Variants in EPHA6 observed in about 807,000 individuals in gnomAD.
The protein encoded by EPHA6 is EPH receptor A6, also known as ephrin type-A receptor 6.
EPHA6 carries 50 observed loss-of-function variants against 112.0 expected under a neutral mutation model. That is an observed-to-expected ratio of 0.45 (90% CI 0.36 to 0.56). EPHA6 has a LOEUF of 0.56. Ranked by LOEUF, EPHA6 falls within the 20% of genes least tolerant of loss-of-function variation. The pLI is 0.00. For synonymous variants in EPHA6, 529 were observed against 490.7 expected, an observed-to-expected ratio of 1.08 and a Z score of -1.03; for missense variants, 1,280 against 1,417.4, an observed-to-expected ratio of 0.90 and a Z score of 1.56.
At chr3:97,208,504 G>A (rs1440777304) in intron 3 of EPHA6, among the ~76,000 whole-genome samples, 3 of 152,122 alleles carry the variant, frequency 2.0e-5, no homozygotes, top group African/African-American at 4.8e-5. Context: ...CTAGCACTTT[G>A]GAAGGCCATG....
chr3:96,907,649 T>C, intron 2 of EPHA6, among the ~76,000 whole-genome samples: 1 of 152,054 alleles, frequency 6.6e-6, no homozygotes, highest in South Asian at 2.1e-4. Context: ...GTGTATTTCA[T>C]GTTTTTAAGT....
At chr3:97,116,300 T>C (rs1369982684) in intron 3 of EPHA6, among the ~76,000 whole-genome samples, 1 of 151,716 alleles carries the variant, frequency 6.6e-6, no homozygotes, top group Non-Finnish European at 1.5e-5. Context: ...CATTTTAAAA[T>C]GATGACCACA....
chr3:97,479,512 G>T, intron 9 of EPHA6, 148 bp downstream of exon 9: 1 of 489,178 alleles, frequency 2.0e-6, no homozygotes, highest in Non-Finnish European at 3.5e-6. Context: ...CTGGTTTCCA[G>T]GTTTGTTGGT....
intron 11 of EPHA6, among the ~76,000 whole-genome samples, chr3:97,550,263 T>C (rs1288515443): frequency 3.3e-5 from 5 of 152,204 alleles, no homozygotes; most frequent in Non-Finnish European, 7.3e-5. Context: ...AGACATCCAT[T>C]TTACTGCAGG....
At chr3:97,293,395 A>T (rs2080762936) in intron 5 of EPHA6, among the ~76,000 whole-genome samples, 1 of 151,196 alleles carries the variant, frequency 6.6e-6, no homozygotes, top group Non-Finnish European at 1.5e-5. Context: ...AGCAAAGAGG[A>T]CACTCATGAT....
chr3:97,331,560 G>A (rs965022311), intron 5 of EPHA6, among the ~76,000 whole-genome samples: 3 of 152,044 alleles, frequency 2.0e-5, no homozygotes, highest in Non-Finnish European at 2.9e-5. Flanking sequence ...TGATAAAGGG[G>A]ATATCACCAC....
At chr3:97,431,466 C>T (rs1033977919) in intron 6 of EPHA6, among the ~76,000 whole-genome samples, 5 of 151,906 alleles carry the variant, frequency 3.3e-5, no homozygotes, top group African/African-American at 1.2e-4. Context: ...CAAATTGTTC[C>T]CCAAACCTGT....
At chr3:97,303,746 C>A (rs1216743046) in intron 5 of EPHA6, among the ~76,000 whole-genome samples, 1 of 151,850 alleles carries the variant, frequency 6.6e-6, no homozygotes, top group Admixed American at 6.6e-5. Context: ...ACTGGGGAGC[C>A]ATTTAAAAAA....
chr3:97,260,362 C>G (rs1024267964), intron 5 of EPHA6, among the ~76,000 whole-genome samples: 5 of 152,084 alleles, frequency 3.3e-5, no homozygotes, highest in African/African-American at 7.2e-5. Flanking sequence ...CTGAAGAAGC[C>G]TTCACTAACT....
chr3:96,916,263 T>C (rs75768979), intron 2 of EPHA6, among the ~76,000 whole-genome samples: 2,193 of 152,256 alleles, frequency 0.014, 57 homozygotes, highest in African/African-American at 0.05. Flanking sequence ...GTGATCAACG[T>C]TGTAAATACA....
At chr3:97,308,839 T>C (rs183142763) in intron 5 of EPHA6, among the ~76,000 whole-genome samples, 19 of 151,902 alleles carry the variant, frequency 1.3e-4, no homozygotes, top group Non-Finnish European at 2.8e-4. Flanking sequence ...CAATGAATAA[T>C]TCTTAATCTG....
chr3:97,555,318 C>T (rs2093089967), intron 11 of EPHA6, among the ~76,000 whole-genome samples: 1 of 152,052 alleles, frequency 6.6e-6, no homozygotes, highest in Admixed American at 6.6e-5. Context: ...TTTTCTTAAT[C>T]CAGTCTATCA....
At chr3:97,737,284 T>G (rs566846390) in intron 16 of EPHA6, among the ~76,000 whole-genome samples, 1 of 152,022 alleles carries the variant, frequency 6.6e-6, no homozygotes, top group South Asian at 2.1e-4. Context: ...AAGATCACTC[T>G]AGGGATGATT....
chr3:97,278,620 A>G (rs2080178753), intron 5 of EPHA6, among the ~76,000 whole-genome samples: 1 of 152,216 alleles, frequency 6.6e-6, no homozygotes, highest in Non-Finnish European at 1.5e-5. Flanking sequence ...CACTCAGTAT[A>G]GAAGTCTATA....
intron 2 of EPHA6, among the ~76,000 whole-genome samples, chr3:96,947,562 C>G (rs955596081): frequency 6.6e-6 from 1 of 152,064 alleles, no homozygotes; most frequent in African/African-American, 2.4e-5. Context: ...GTACCAGAAC[C>G]ATGCAATGTG....
intron 13 of EPHA6, among the ~76,000 whole-genome samples, chr3:97,632,097 T>G (rs1286341777): frequency 6.6e-6 from 1 of 152,042 alleles, no homozygotes; most frequent in Non-Finnish European, 1.5e-5. Flanking sequence ...CGGCTGCAAG[T>G]GTAGTCAACA....
intron 6 of EPHA6, among the ~76,000 whole-genome samples, chr3:97,424,464 A>G (rs1039410591): frequency 6.6e-6 from 1 of 152,164 alleles, no homozygotes; most frequent in Non-Finnish European, 1.5e-5. Context: ...CCAAAGTCTT[A>G]GCTGAGACAA....
At chr3:97,283,218 G>A (rs1192368165) in intron 5 of EPHA6, among the ~76,000 whole-genome samples, 1 of 152,000 alleles carries the variant, frequency 6.6e-6, no homozygotes, top group Non-Finnish European at 1.5e-5. Context: ...ATAAAGGTAG[G>A]TGATAGCACA....
chr3:96,923,870 C>T (rs1200204145), intron 2 of EPHA6, among the ~76,000 whole-genome samples: 1 of 152,108 alleles, frequency 6.6e-6, no homozygotes, highest in Non-Finnish European at 1.5e-5. Flanking sequence ...CCCCCAATAC[C>T]ATTTATTAAA....
Sources: allele counts gnomAD v4.1 joint callset (sites outside exome capture counted in the v4.1 genomes callset), GRCh38; gene constraint gnomAD v4.1.1; transcripts MANE v1.5; gene names NCBI Gene and HGNC (gene_info 2026-07-23, HGNC 2026-07-21).